ANKS1B: variants seen among roughly 807,000 people sequenced by gnomAD.
ANKS1B encodes the protein ankyrin repeat and sterile alpha motif domain-containing protein 1B.
Under a neutral mutation model 148.3 loss-of-function variants are expected in ANKS1B, and 36 were observed. The ratio of observed to expected loss-of-function variants is 0.24; its 90% CI spans 0.19 to 0.32. The LOEUF is 0.32. Among genes scored for constraint, ANKS1B ranks in the 10% least tolerant of loss-of-function variants. ANKS1B has a pLI of 1.00. For missense variants in ANKS1B, 1,157 were observed against 1,542.6 expected (o/e 0.75, Z 4.19); for synonymous variants, 542 against 560.8 (o/e 0.97, Z 0.47).
rs927872027 is a variant in ANKS1B, at chr12:99,674,981, A to G, written c.1129-19771T>C. Among the ~76,000 whole-genome samples, 10 of 152,106 alleles carry G rather than the reference A, an allele frequency of 6.6e-5. 1 individual carries two copies. In the East Asian group the frequency reaches 1.5e-3, roughly 23 times the overall value. On this transcript the variant is annotated intron_variant, in intron 8 of 26. Coordinates refer to ENST00000683438, the MANE Select transcript of ANKS1B (RefSeq NM_001352186.2). Reference sequence around the variant, plus strand: ...GAAAAGATCATTTTAAAAGTAGTACAATTGACCACTGATCATACAAAATAT... The same window carrying G: ...GAAAAGATCATTTTAAAAGTAGTACGATTGACCACTGATCATACAAAATAT...
At chr12:98,807,057 C>T (rs2099056084) in intron 20 of ANKS1B, among the ~76,000 whole-genome samples, 1 of 152,142 alleles carries the variant, frequency 6.6e-6, no homozygotes, top group African/African-American at 2.4e-5. Context: ...CTCAACCTCT[C>T]AGACAGCAGG....
At chr12:99,781,880 C>T (rs1261995552) in intron 5 of ANKS1B, 142 bp downstream of exon 5, 3 of 667,278 alleles carry the variant, frequency 4.5e-6, no homozygotes, top group Non-Finnish European at 7.5e-6. Flanking sequence ...CTCAGTTCTA[C>T]ATAATATGAA....
chr12:99,217,068 G>A lies in ANKS1B; in HGVS notation c.2419+27274C>T, dbSNP rs772185560. ...GGACAAAAATAACATGGGCCCTGAT[G>A]ATTTTGGAGCCAACATATCACCTTG... On this transcript the variant is annotated intron_variant, in intron 14 of 26. Transcript: ENST00000683438. Among the ~76,000 whole-genome samples, 45 of 152,294 alleles carry A rather than the reference G, an allele frequency of 3.0e-4. No individual in the cohort carries two copies. The Middle Eastern group carries it at 0.014, about 46-fold the overall frequency.
chr12:99,936,480 C>T (rs1025178351), intron 1 of ANKS1B, among the ~76,000 whole-genome samples: 3 of 152,090 alleles, frequency 2.0e-5, no homozygotes, highest in Non-Finnish European at 4.4e-5. Context: ...GACCCCATCT[C>T]TTAAAAAAAT....
At chr12:99,306,816 C>A (rs1223395017) in intron 12 of ANKS1B, among the ~76,000 whole-genome samples, 1 of 151,998 alleles carries the variant, frequency 6.6e-6, no homozygotes, top group African/African-American at 2.4e-5. Context: ...ATCTAGTGAT[C>A]TGTTCTTATA....
chr12:99,725,617 A>T (rs977633284), intron 8 of ANKS1B, among the ~76,000 whole-genome samples: 21 of 152,208 alleles, frequency 1.4e-4, no homozygotes, highest in African/African-American at 3.9e-4. Context: ...ATTAACAAGG[A>T]TATTCAGGAC....
intron 17 of ANKS1B, among the ~76,000 whole-genome samples, chr12:98,973,927 G>A (rs1340049678): frequency 2.0e-5 from 3 of 151,248 alleles, no homozygotes; most frequent in African/African-American, 4.9e-5. Flanking sequence ...TAGATACATC[G>A]GTATATATAT....
chr12:99,334,343 A>C (rs935065749), intron 12 of ANKS1B, among the ~76,000 whole-genome samples: 1 of 152,084 alleles, frequency 6.6e-6, no homozygotes, highest in Non-Finnish European at 1.5e-5. Context: ...TCATGCTTTA[A>C]TATTAATACT....
At chr12:98,790,111 T>A (rs765927335) in intron 22 of ANKS1B, among the ~76,000 whole-genome samples, 41 of 152,330 alleles carry the variant, frequency 2.7e-4, no homozygotes, top group Non-Finnish European at 4.9e-4. Flanking sequence ...TGATTTTAAT[T>A]AAAAATGCCA....
chr12:98,783,037 C>T (rs2098752746), intron 22 of ANKS1B, among the ~76,000 whole-genome samples: 1 of 151,122 alleles, frequency 6.6e-6, no homozygotes, highest in Non-Finnish European at 1.5e-5. Flanking sequence ...TAACTGAATG[C>T]ATATGTGAAA....
chr12:99,224,806 G>A (rs1486886755), intron 14 of ANKS1B, among the ~76,000 whole-genome samples: 5 of 152,070 alleles, frequency 3.3e-5, no homozygotes, highest in South Asian at 2.1e-4. Flanking sequence ...GTAGGTAAGC[G>A]AAAAACCAGG....
intron 15 of ANKS1B, among the ~76,000 whole-genome samples, chr12:99,150,520 A>G (rs78291563): frequency 1.1e-3 from 160 of 152,214 alleles, no homozygotes; most frequent in African/African-American, 3.7e-3. Context: ...GCAGGGAAGG[A>G]AAGGAAATGT....
At chr12:99,374,895 T>C (rs2152485572) in intron 12 of ANKS1B, among the ~76,000 whole-genome samples, 1 of 152,334 alleles carries the variant, frequency 6.6e-6, no homozygotes, top group Non-Finnish European at 1.5e-5. Flanking sequence ...AATAAAAAAT[T>C]GACTTGGATT....
At chr12:98,841,576 A>G (rs201397) in intron 17 of ANKS1B, among the ~76,000 whole-genome samples, 97,939 of 152,052 alleles carry the variant, frequency 0.64, 34,317 homozygotes, top group East Asian at 0.91. Context: ...TAGCTAAACT[A>G]AAGTTTTAAA....
chr12:98,780,523 C>A (rs749323713), intron 24 of ANKS1B, among the ~76,000 whole-genome samples: 1 of 152,196 alleles, frequency 6.6e-6, no homozygotes, highest in Non-Finnish European at 1.5e-5. Context: ...GAAGTCACAG[C>A]GGAGCCACAG....
chr12:99,901,466 G>A (rs150023674), intron 1 of ANKS1B, among the ~76,000 whole-genome samples: 133 of 152,302 alleles, frequency 8.7e-4, no homozygotes, highest in African/African-American at 3.1e-3. Context: ...AGAAGAGGCA[G>A]CCTCTGTAGC....
At chr12:98,912,468 A>G (rs988215951) in intron 17 of ANKS1B, among the ~76,000 whole-genome samples, 1 of 151,838 alleles carries the variant, frequency 6.6e-6, no homozygotes, top group African/African-American at 2.4e-5. Flanking sequence ...TGCTCCCCTA[A>G]CCTGTGGGAG....
At chr12:99,319,953 G>C (rs1002797305) in intron 12 of ANKS1B, among the ~76,000 whole-genome samples, 4 of 152,080 alleles carry the variant, frequency 2.6e-5, no homozygotes, top group South Asian at 2.1e-4. Flanking sequence ...ACTTATGAAG[G>C]TTAGTTTGGC....
chr12:99,545,795 TATAA>T (rs2097167966), intron 9 of ANKS1B, among the ~76,000 whole-genome samples: 1 of 146,198 alleles, frequency 6.8e-6, no homozygotes, highest in African/African-American at 2.5e-5. Context: ...TATATATATA[TATAA>T]AATTATTGCA....
Sources: allele counts gnomAD v4.1 joint callset (sites outside exome capture counted in the v4.1 genomes callset), GRCh38; gene constraint gnomAD v4.1.1; transcripts MANE v1.5; gene names NCBI Gene and HGNC (gene_info 2026-07-23, HGNC 2026-07-21).